The following PUM2 variants were observed in gnomAD, a reference collection of about 807,000 sequenced individuals.
The protein encoded by PUM2 is pumilio RNA binding family member 2, also known as pumilio homolog 2.
In PUM2, 57 loss-of-function variants were observed where a neutral mutation model predicts 124.5. That is an observed-to-expected ratio of 0.46 (90% CI 0.37 to 0.57). PUM2 has a LOEUF of 0.57. Ranked by LOEUF, PUM2 falls within the 20% of genes least tolerant of loss-of-function variation. The pLI is 0.00. For missense variants in PUM2, 1,065 were observed against 1,290.6 expected (o/e 0.83, Z 2.68); for synonymous variants, 460 against 446.1 (o/e 1.03, Z -0.39).
intron 1 of PUM2, among the ~76,000 whole-genome samples, chr2:20,344,538 T>A (rs1000978024): frequency 1.3e-5 from 2 of 152,164 alleles, no homozygotes; most frequent in Non-Finnish European, 2.9e-5. Flanking sequence ...GGCTTCTACC[T>A]ATCTCTCCTA....
chr2:20,264,153 G>A (rs1252042608), intron 13 of PUM2, among the ~76,000 whole-genome samples: 2 of 149,698 alleles, frequency 1.3e-5, no homozygotes, highest in Non-Finnish European at 3.0e-5. Flanking sequence ...CCTGGCCAAC[G>A]TGGTGAAACC....
intron 9 of PUM2, among the ~76,000 whole-genome samples, chr2:20,293,459 G>A (rs921941812): frequency 1.3e-5 from 2 of 152,080 alleles, no homozygotes; most frequent in African/African-American, 2.4e-5. Flanking sequence ...CTATAATTCC[G>A]GCACTTTGAA....
At chr2:20,286,854 C>A (rs1165158529) in intron 10 of PUM2, among the ~76,000 whole-genome samples, 3 of 152,092 alleles carry the variant, frequency 2.0e-5, no homozygotes, top group Non-Finnish European at 4.4e-5. Flanking sequence ...CACTGTAATT[C>A]TGTTCAAAAG....
At chr2:20,345,089 CTTTT>C (rs768667526) in intron 1 of PUM2, among the ~76,000 whole-genome samples, 1 of 129,388 alleles carries the variant, frequency 7.7e-6, no homozygotes, top group African/African-American at 2.8e-5. Context: ...GCACTTTTTT[CTTTT>C]TTTTTTTTTT....
At chr2:20,299,166 G>A (rs777661287) in intron 7 of PUM2, among the ~76,000 whole-genome samples, 1 of 152,216 alleles carries the variant, frequency 6.6e-6, no homozygotes, top group Non-Finnish European at 1.5e-5. Flanking sequence ...GCCCAGACTT[G>A]TGATCAGTGT....
At chr2:20,254,822 T>C (rs999749571) in intron 19 of PUM2, 41 bp downstream of exon 19, 2 of 1,589,114 alleles carry the variant, frequency 1.3e-6, no homozygotes, top group Admixed American at 1.7e-5. Context: ...AGTCAATGAG[T>C]TGAAAGAATT....
At chr2:20,272,756 T>TTTA (rs1669334909) in intron 13 of PUM2, among the ~76,000 whole-genome samples, 2 of 152,350 alleles carry the variant, frequency 1.3e-5, no homozygotes, top group South Asian at 4.1e-4. Flanking sequence ...AGCTGGTATC[T>TTTA]TTATAATAGG....
intron 1 of PUM2, among the ~76,000 whole-genome samples, chr2:20,336,232 G>A (rs982235418): frequency 6.6e-6 from 1 of 151,994 alleles, no homozygotes; most frequent in African/African-American, 2.4e-5. Context: ...TATTGCCCAG[G>A]ATGGAGTGCA....
Position 20,251,511 on chromosome 2 carries a change from G to C in PUM2, c.*74C>G. The stretch of plus-strand genomic sequence containing the variant: ...AAAATTGAAGATTCATAGTTGAGTT[G>C]TGTTTTGATAATTCACACACAAAAA... On this transcript the variant is annotated 3_prime_UTR_variant, in exon 21 of 21. Transcript: ENST00000361078. 2.7e-6 allele frequency: 4 copies of C among 1,471,980 alleles called. No homozygotes were observed. In the South Asian group the frequency reaches 4.1e-5, roughly 15 times the overall value. The allele number at this position is 1,471,980 out of a possible 1,614,324, so 91.2% of individuals were successfully genotyped here. A position where few individuals can be genotyped will look rare whatever the true frequency, so the allele number is the denominator to read the frequency against.
chr2:20,300,076 T>C (rs1208712697), intron 7 of PUM2, among the ~76,000 whole-genome samples: 2 of 152,188 alleles, frequency 1.3e-5, no homozygotes, highest in African/African-American at 2.4e-5. Flanking sequence ...TGCGTTGATG[T>C]TAATGCTGGA....
chr2:20,297,324 A>T (rs1675857657), intron 8 of PUM2, among the ~76,000 whole-genome samples: 2 of 152,220 alleles, frequency 1.3e-5, no homozygotes, highest in Admixed American at 6.5e-5. Flanking sequence ...TATAAAGCTG[A>T]AATGTAAGCC....
intron 20 of PUM2, among the ~76,000 whole-genome samples, chr2:20,252,997 G>A (rs1288020029): frequency 1.3e-5 from 2 of 152,214 alleles, no homozygotes; most frequent in African/African-American, 2.4e-5. Flanking sequence ...GGGAGGATAT[G>A]TTTAGGTTAT....
chr2:20,323,434 C>T (rs1228581797), intron 2 of PUM2, among the ~76,000 whole-genome samples: 1 of 134,994 alleles, frequency 7.4e-6, no homozygotes, highest in African/African-American at 2.8e-5. Flanking sequence ...GGCGACAGAG[C>T]GAGACTCCAT....
At chr2:20,260,709 T>A (rs1316328505) in intron 14 of PUM2, among the ~76,000 whole-genome samples, 2 of 152,252 alleles carry the variant, frequency 1.3e-5, no homozygotes, top group African/African-American at 2.4e-5. Flanking sequence ...TTAGGTTGGT[T>A]ACATTATAAT....
chr2:20,278,316 T>C (rs1572673024), intron 13 of PUM2, among the ~76,000 whole-genome samples: 1 of 151,224 alleles, frequency 6.6e-6, no homozygotes, highest in East Asian at 1.9e-4. Context: ...AACACACAAA[T>C]CAAAAGCACA....
chr2:20,257,046 A>T (rs1052808546), intron 16 of PUM2, among the ~76,000 whole-genome samples: 218 of 60,604 alleles, frequency 3.6e-3, no homozygotes, highest in African/African-American at 0.01. Context: ...TCCGTCTCAA[A>T]AAAAAAAAAA....
intron 1 of PUM2, among the ~76,000 whole-genome samples, chr2:20,330,671 G>A (rs765683025): frequency 2.0e-5 from 3 of 152,112 alleles, no homozygotes; most frequent in African/African-American, 4.8e-5. Context: ...ATAATAAATG[G>A]GTAAATTTAA....
intron 1 of PUM2, among the ~76,000 whole-genome samples, chr2:20,348,453 C>T (rs564776338): frequency 6.6e-6 from 1 of 152,222 alleles, no homozygotes; most frequent in East Asian, 1.9e-4. Flanking sequence ...GTTTAGGAGA[C>T]AGGAATCAAC....
intron 10 of PUM2, among the ~76,000 whole-genome samples, chr2:20,288,308 C>A (rs1198225155): frequency 1.3e-5 from 2 of 152,070 alleles, no homozygotes; most frequent in East Asian, 3.8e-4. Flanking sequence ...AAAAGAGTTA[C>A]AAAGAGTTGG....
Sources: gnomAD v4.1 joint callset for allele counts (sites outside exome capture counted in the v4.1 genomes callset) on GRCh38, gnomAD v4.1.1 for gene constraint, MANE v1.5 for transcripts, NCBI Gene and HGNC (gene_info 2026-07-23, HGNC 2026-07-21) for gene names.